The following FBN1 variants were observed in gnomAD, a reference collection of about 807,000 sequenced individuals.
The protein encoded by FBN1 is fibrillin-1.
Under a neutral mutation model 365.1 loss-of-function variants are expected in FBN1, and 29 were observed. The ratio of observed to expected loss-of-function variants is 0.08; its 90% CI spans 0.06 to 0.11. The LOEUF is 0.11. FBN1 is among the 10% of genes least tolerant of loss of function. The pLI is 1.00. For missense variants in FBN1, 2,476 were observed against 3,703.2 expected, an observed-to-expected ratio of 0.67 and a Z score of 8.60; for synonymous variants, 1,210 against 1,270.5, an observed-to-expected ratio of 0.95 and a Z score of 1.01.
In FBN1 at chr15:48,548,438, C is replaced by G. The variant is rs1349589102; in HGVS notation, c.539-10630G>C. 2.6e-5 allele frequency among the ~76,000 whole-genome samples: 4 copies of G among 152,338 alleles called. No homozygotes were observed. The South Asian group carries it at 8.3e-4, about 32-fold the overall frequency. On this transcript the variant is annotated intron_variant, in intron 6 of 65. Coordinates refer to ENST00000316623, the MANE Select transcript of FBN1 (RefSeq NM_000138.5). Reference sequence around the variant, plus strand: ...CTATCCCATGGGCAGATAGGCCACTCTAGTTCTAGCTAAGTGTTGCCCAGT... The same window carrying G: ...CTATCCCATGGGCAGATAGGCCACTGTAGTTCTAGCTAAGTGTTGCCCAGT...
chr15:48,487,945 C>G (rs2043522991), intron 27 of FBN1, among the ~76,000 whole-genome samples, 168 bp downstream of exon 27: 1 of 152,200 alleles, frequency 6.6e-6, no homozygotes, highest in African/African-American at 2.4e-5. Flanking sequence ...AAACCCACAG[C>G]ATGAATTCCC....
intron 57 of FBN1, 189 bp from the exon 58 acceptor site, chr15:48,427,962 A>G: frequency 1.4e-6 from 1 of 703,950 alleles, no homozygotes; most frequent in Non-Finnish European, 2.6e-6. Context: ...AACAAATAAG[A>G]CATTCAGTAA....
intron 10 of FBN1, among the ~76,000 whole-genome samples, chr15:48,518,459 A>G (rs1456953495): frequency 6.6e-6 from 1 of 152,254 alleles, no homozygotes; most frequent in Non-Finnish European, 1.5e-5. Flanking sequence ...GTAGGTACCA[A>G]TTCGGCCTTT....
In FBN1 at chr15:48,581,411, G is replaced by A. The variant is rs530028270; in HGVS notation, c.538+14872C>T. Among the ~76,000 whole-genome samples, 14 of 152,208 alleles carry A rather than the reference G, an allele frequency of 9.2e-5. 1 individual carries two copies. Among genetic ancestry groups the A allele is most frequent in the East Asian group, 5.8e-4 (3 of 5,180 alleles). On this transcript the variant is annotated intron_variant, in intron 6 of 65. Coordinates refer to ENST00000316623, the MANE Select transcript of FBN1 (RefSeq NM_000138.5). ...AGAAATTCCAACAGAAGGATGTCCC[G>A]GGCAGCGTGACACAGCAGCAGTTCA...
intron 6 of FBN1, among the ~76,000 whole-genome samples, chr15:48,541,845 T>C (rs1253009925): frequency 6.6e-6 from 1 of 151,852 alleles, no homozygotes; most frequent in East Asian, 1.9e-4. Context: ...CTAATGCAAC[T>C]AAAATATAGT....
chr15:48,508,426 G>C (rs1039216347), intron 15 of FBN1, among the ~76,000 whole-genome samples, 156 bp downstream of exon 15: 1 of 152,206 alleles, frequency 6.6e-6, no homozygotes, highest in Non-Finnish European at 1.5e-5. Context: ...CTCTTTGGAT[G>C]GCTGGATTTA....
Position 48,537,823 on chromosome 15 carries a change from T to A in FBN1, c.539-15A>T, listed in dbSNP as rs775186543. On this transcript the variant is annotated splice_polypyrimidine_tract_variant and intron_variant, in intron 6 of 65. Coordinates refer to ENST00000316623, the MANE Select transcript of FBN1 (RefSeq NM_000138.5). ...TGTCCTGTAATCTGAAAATAAAGAA[T>A]AAAAATCTGATGAAAATCCAGAAAA... 6.2e-7 allele frequency: 1 copy of A among 1,612,368 alleles called. No homozygotes were observed. Among genetic ancestry groups the A allele is most frequent in the South Asian group, 1.1e-5 (1 of 91,072 alleles).
At position 48,596,366 on chromosome 15, in the gene FBN1, C is replaced by A; in HGVS notation, c.455G>T (p.Ser152Ile). The part of the protein sequence containing the change: ...GTHCGQPVCE[S>I]GCLNGGRCVA... Reference sequence around the variant, plus strand: ...ACACCTTCCTCCATTGAGACAGCCACTTTCACAAACAGCTGTAAAATAAGG... The same window carrying A: ...ACACCTTCCTCCATTGAGACAGCCAATTTCACAAACAGCTGTAAAATAAGG... Residue 152 changes from serine (S) to isoleucine (I), a missense_variant, in exon 6 of 66, where the codon AGT becomes ATT. Physicochemically the swap from Ser to Ile is moderately radical, Grantham distance 142. Around this residue, in one of 5 missense-constraint regions of FBN1, gnomAD observed 421 missense variants for 520.1 expected, o/e 0.81. Transcript: ENST00000316623. 6.2e-7 allele frequency: 1 copy of A among 1,614,012 alleles called. No individual in the cohort carries two copies. The highest frequency in any genetic ancestry group is 8.5e-7 in the Non-Finnish European group (1 of 1,179,882).
chr15:48,645,347 C>T (rs938265391), intron 1 of FBN1, among the ~76,000 whole-genome samples: 1 of 152,232 alleles, frequency 6.6e-6, no homozygotes, highest in Non-Finnish European at 1.5e-5. Context: ...CGACTCCGGG[C>T]GATGCCACCG....
At chr15:48,504,000 G>A in intron 16 of FBN1, 61 bp from the exon 17 acceptor site, 5 of 1,601,208 alleles carry the variant, frequency 3.1e-6, no homozygotes, top group Non-Finnish European at 3.4e-6. Context: ...AACCCCCCAA[G>A]TCAAAGTTGA....
intron 10 of FBN1, among the ~76,000 whole-genome samples, chr15:48,520,040 A>C (rs1366373054): frequency 6.6e-6 from 1 of 152,220 alleles, no homozygotes; most frequent in Admixed American, 6.5e-5. Flanking sequence ...AGGCTCAATT[A>C]GTCAAAAGGT....
intron 56 of FBN1, among the ~76,000 whole-genome samples, chr15:48,429,079 CAT>C (rs150089097): frequency 0.038 from 5,812 of 152,180 alleles, 278 homozygotes; most frequent in African/African-American, 0.12. Flanking sequence ...TATACTTAAA[CAT>C]AGATGGTAGC....
chr15:48,644,631 C>T lies in FBN1; in HGVS notation c.139G>A (p.Gly47Ser), dbSNP rs762400500. 2.1e-5 allele frequency: 34 copies of T among 1,613,834 alleles called. No individual in the cohort carries two copies. The highest frequency in any genetic ancestry group is 2.7e-5 in the Non-Finnish European group (32 of 1,180,012). ...CCTTTAAGCGCGTCGTGTCCTCCAC[C>T]GCCTCTTCTCTTGGCCCGACTGGCT... ...TRASRAKRRG[G>S]GGHDALKGPN... The change falls in exon 2 of 66, where the codon GGT becomes AGT. Residue 47 changes from glycine to serine, a missense_variant. By Grantham distance (56) the Gly-to-Ser change is moderately conservative (BLOSUM62 0). Coordinates refer to ENST00000316623, the MANE Select transcript of FBN1 (RefSeq NM_000138.5).
chr15:48,541,186 A>C (rs951182526), intron 6 of FBN1, among the ~76,000 whole-genome samples: 4 of 152,156 alleles, frequency 2.6e-5, no homozygotes, highest in Non-Finnish European at 4.4e-5. Flanking sequence ...CATAGAATCG[A>C]GATGGTAGTT....
chr15:48,578,805 A>G (rs538768568), intron 6 of FBN1, among the ~76,000 whole-genome samples: 4 of 130,954 alleles, frequency 3.1e-5, no homozygotes, highest in African/African-American at 1.2e-4. Flanking sequence ...GAATTGAACA[A>G]TGAGATCACA....
chr15:48,462,987 G>T, intron 42 of FBN1, 95 bp downstream of exon 42: 133 of 1,189,082 alleles, frequency 1.1e-4, no homozygotes, highest in Middle Eastern at 1.9e-4. Context: ...GATAAACAAT[G>T]CACACTTTGC....
intron 6 of FBN1, among the ~76,000 whole-genome samples, chr15:48,592,517 C>G (rs2044485494): frequency 6.6e-6 from 1 of 152,070 alleles, no homozygotes; most frequent in Non-Finnish European, 1.5e-5. Flanking sequence ...CTTCAATAAT[C>G]TGATAACAAA....
At chr15:48,448,700 A>G in intron 46 of FBN1, 68 bp downstream of exon 46, 1 of 1,475,464 alleles carries the variant, frequency 6.8e-7, no homozygotes, top group Non-Finnish European at 9.3e-7. Flanking sequence ...ATTAAATTTT[A>G]TCCATATTTA....
chr15:48,620,765 G>A (rs1889750601), intron 2 of FBN1, among the ~76,000 whole-genome samples: 1 of 152,132 alleles, frequency 6.6e-6, no homozygotes, highest in African/African-American at 2.4e-5. Flanking sequence ...TAGGCACTGT[G>A]TTAGATAAGA....
Sources: gnomAD v4.1 joint callset for allele counts (sites outside exome capture counted in the v4.1 genomes callset) on GRCh38, gnomAD v4.1.1 for gene constraint, gnomAD v4.1.1 regional missense constraint, MANE v1.5 for transcripts, NCBI Gene and HGNC (gene_info 2026-07-23, HGNC 2026-07-21) for gene names.